ATP6V1B1: variants seen among roughly 807,000 people sequenced by gnomAD.
The protein encoded by ATP6V1B1 is V-type proton ATPase subunit B, kidney isoform.
In ATP6V1B1, 41 loss-of-function variants were observed where a neutral mutation model predicts 62.1. That is an observed-to-expected ratio of 0.66 (90% CI 0.51 to 0.86). The LOEUF is 0.86. ATP6V1B1 is among the 40% of genes least tolerant of loss of function. The probability of loss-of-function intolerance (pLI) is 0.00; values close to 1 mark genes in which losing one functional copy is unlikely to be tolerated. For synonymous variants in ATP6V1B1, 253 were observed against 273.4 expected (o/e 0.93, Z 0.74); for missense variants, 651 against 697.5 (o/e 0.93, Z 0.75).
chr2:70,958,549 G>T, intron 4 of ATP6V1B1, 123 bp downstream of exon 4: 1 of 965,310 alleles, frequency 1.0e-6, no homozygotes. Context: ...TCTCTCTGGT[G>T]GGCTCTTTGA....
rs886585624 is a variant in ATP6V1B1 at position 70,959,507 on chromosome 2, G to A, written c.445+412G>A. ...TTGCCCTACGCCACACAGAAAGTCA[G>A]TGGCAGAGCACAGAAGACTCATCTG... On this transcript the variant is annotated intron_variant, in intron 5 of 13. Coordinates refer to ENST00000234396, the MANE Select transcript of ATP6V1B1 (RefSeq NM_001692.4). This position sits in a 1 kb window ranked among gnomAD's most constrained non-coding sequence, Gnocchi z 4.2. 6.6e-6 allele frequency among the ~76,000 whole-genome samples: 1 copy of A among 152,234 alleles called. No individual in the cohort carries two copies. Among genetic ancestry groups the A allele is most frequent in the African/African-American group, 2.4e-5 (1 of 41,468 alleles).
chr2:70,952,982 G>GT (rs1255424512), intron 2 of ATP6V1B1, among the ~76,000 whole-genome samples: 1 of 151,828 alleles, frequency 6.6e-6, no homozygotes, highest in East Asian at 1.9e-4. Flanking sequence ...TTGTTTGTTT[G>GT]TTTTTTGTTG....
intron 2 of ATP6V1B1, among the ~76,000 whole-genome samples, chr2:70,944,823 C>T (rs1020242450): frequency 4.6e-5 from 7 of 152,164 alleles, no homozygotes; most frequent in Non-Finnish European, 1.0e-4. Context: ...CACCCGCTAC[C>T]ACGCCCAGCT....
chr2:70,947,341 C>G (rs1384406835), intron 2 of ATP6V1B1, among the ~76,000 whole-genome samples: 1 of 152,170 alleles, frequency 6.6e-6, no homozygotes, highest in African/African-American at 2.4e-5. Flanking sequence ...AGGCAGATTG[C>G]TAGGCCCCAC....
chr2:70,943,816 C>T (rs1680074927), intron 2 of ATP6V1B1, 103 bp downstream of exon 2: 2 of 1,477,124 alleles, frequency 1.4e-6, no homozygotes, highest in African/African-American at 1.4e-5. Context: ...CTCCATGGCC[C>T]CCAGGGCCTG....
chr2:70,951,522 G>C (rs777848226), intron 2 of ATP6V1B1, among the ~76,000 whole-genome samples: 4 of 152,078 alleles, frequency 2.6e-5, no homozygotes, highest in South Asian at 2.1e-4. Flanking sequence ...CTATAATCTG[G>C]AACATTTTCC....
At chr2:70,945,701 G>GATAGATATATATAT (rs1553417204) in intron 2 of ATP6V1B1, among the ~76,000 whole-genome samples, 8 of 83,022 alleles carry the variant, frequency 9.6e-5, no homozygotes, top group Admixed American at 3.2e-4. Context: ...TATTTGAAGA[G>GATAGATATATATAT]ATATATATAT....
rs782073814 is a variant in ATP6V1B1 at position 70,958,390 on chromosome 2, G to A, written c.331G>A (p.Asp111Asn). ...ARKTTCEFTG[D>N]ILRTPVSEDM... is the part of the protein sequence containing the mutation. Reference sequence around the variant, plus strand: ...GAAGACCACTTGCGAATTTACAGGGGACATCCTACGAACTCCGGTGTCAGA... The same window carrying A: ...GAAGACCACTTGCGAATTTACAGGGAACATCCTACGAACTCCGGTGTCAGA... The change falls in exon 4 of 14, where the codon GAC (aspartate) becomes AAC (asparagine). Residue 111 changes from aspartate to asparagine, a missense_variant. Asp to Asn is a conservative substitution (Grantham distance 23, BLOSUM62 1). Transcript: ENST00000234396. 6.2e-7 allele frequency: 1 copy of A among 1,607,466 alleles called. No homozygotes were observed. The highest frequency in any genetic ancestry group is 1.1e-5 in the South Asian group (1 of 91,010).
Position 70,963,758 on chromosome 2 carries a change from C to A in ATP6V1B1, c.1143+104C>A. The A allele has an allele frequency of 7.8e-7, 1 of 1,288,048 alleles. No homozygotes were observed. The highest frequency in any genetic ancestry group is 1.1e-6 in the Non-Finnish European group (1 of 899,756). The allele number at this position is 1,288,048 out of a possible 1,614,324, so 79.8% of individuals were successfully genotyped here. ...ATGAATTAGGAGGGGCCAGCCAAAGCGAACCCCAAACAGGAGACAGCCACA... is the reference window on the plus strand; with the variant it reads ...ATGAATTAGGAGGGGCCAGCCAAAGAGAACCCCAAACAGGAGACAGCCACA... On this transcript the variant is annotated intron_variant, in intron 11 of 13. Coordinates refer to ENST00000234396, the MANE Select transcript of ATP6V1B1 (RefSeq NM_001692.4). This position sits in a 1 kb window ranked among gnomAD's most constrained non-coding sequence, Gnocchi z 4.3.
intron 8 of ATP6V1B1, chr2:70,961,897 C>T: frequency 1.6e-6 from 1 of 623,016 alleles, no homozygotes; most frequent in East Asian, 2.8e-5. Context: ...GAACATGACT[C>T]TGTCTGCTGC....
chr2:70,954,269 A>G (rs1680385618), intron 2 of ATP6V1B1, among the ~76,000 whole-genome samples: 1 of 152,190 alleles, frequency 6.6e-6, no homozygotes, highest in Non-Finnish European at 1.5e-5. Context: ...TCACACATAT[A>G]TTGACATACA....
chr2:70,962,703 G>A (rs1224524753), intron 8 of ATP6V1B1, 74 bp from the exon 9 acceptor site: 1 of 1,599,960 alleles, frequency 6.3e-7, no homozygotes, highest in East Asian at 2.2e-5. Context: ...AGTTCACCTT[G>A]CGCTCAGCCC....
At position 70,935,979 on chromosome 2, in the gene ATP6V1B1, C is replaced by A. The variant is rs1679840462; in HGVS notation, c.25C>A (p.Pro9Thr). The change falls in exon 1 of 14, where the codon CCT becomes ACT. Residue 9 changes from proline (P) to threonine (T), a missense_variant. Coordinates refer to ENST00000234396, the MANE Select transcript of ATP6V1B1 (RefSeq NM_001692.4). ...CATGGCCATGGAGATAGACAGCAGG[C>A]CTGGGGGGCTCCCCGGCAGTAGCTG... MAMEIDSR[P>T]GGLPGSSCNL... 6.2e-7 allele frequency: 1 copy of A among 1,613,924 alleles called. No individual in the cohort carries two copies. The highest frequency in any genetic ancestry group is 2.2e-5 in the East Asian group (1 of 44,874).
chr2:70,953,566 T>A (rs1680366877), intron 2 of ATP6V1B1, among the ~76,000 whole-genome samples: 1 of 152,218 alleles, frequency 6.6e-6, no homozygotes, highest in South Asian at 2.1e-4. Context: ...TTTTCTTTAC[T>A]ATTTTGGCTT....
chr2:70,938,752 C>G (rs1679916664), intron 1 of ATP6V1B1: 1 of 985,220 alleles, frequency 1.0e-6, no homozygotes, highest in Non-Finnish European at 1.2e-6. Context: ...GAGGAGGTAT[C>G]CTGGAGCTTC....
At chr2:70,942,867 G>A (rs1553416612) in intron 1 of ATP6V1B1, among the ~76,000 whole-genome samples, 1 of 152,218 alleles carries the variant, frequency 6.6e-6, no homozygotes, top group African/African-American at 2.4e-5. Flanking sequence ...ATGGGCAAGG[G>A]ACTGTCCCAG....
intron 1 of ATP6V1B1, among the ~76,000 whole-genome samples, chr2:70,942,590 T>G (rs1680031029): frequency 6.6e-6 from 1 of 152,134 alleles, no homozygotes; most frequent in Non-Finnish European, 1.5e-5. Flanking sequence ...ACCAGTGTGG[T>G]CCAGCAAGAA....
At chr2:70,937,813 G>T (rs191929676) in intron 1 of ATP6V1B1, among the ~76,000 whole-genome samples, 6 of 152,022 alleles carry the variant, frequency 3.9e-5, no homozygotes, top group Admixed American at 2.0e-4. Flanking sequence ...CTCTGGGCAG[G>T]TTGGCCCAAG....
chr2:70,962,542 C>T (rs973433797), intron 8 of ATP6V1B1, among the ~76,000 whole-genome samples: 6 of 152,324 alleles, frequency 3.9e-5, no homozygotes, highest in African/African-American at 1.4e-4. Context: ...GCCTCCTGGC[C>T]TCAGCCCCTG....
Sources: gnomAD v4.1 joint callset for allele counts (sites outside exome capture counted in the v4.1 genomes callset) on GRCh38, gnomAD v4.1.1 for gene constraint, Gnocchi (gnomAD v3.1) non-coding constraint, MANE v1.5 for transcripts, NCBI Gene and HGNC (gene_info 2026-07-23, HGNC 2026-07-21) for gene names.